The following RPA1 variants were observed in gnomAD, a reference collection of about 807,000 sequenced individuals.
RPA1 encodes replication protein A1, also known as replication protein A 70 kDa DNA-binding subunit.
RPA1 carries 49 observed loss-of-function variants against 83.0 expected under a neutral mutation model. The ratio of observed to expected loss-of-function variants is 0.59; its 90% confidence interval spans 0.47 to 0.75. The LOEUF (loss-of-function observed/expected upper bound fraction) is 0.75, where lower values mean the gene tolerates loss of function less well. Among genes scored for constraint, RPA1 ranks in the 30% least tolerant of loss-of-function variants. RPA1 has a pLI of 0.00. For synonymous variants in RPA1, 279 were observed against 281.8 expected, an observed-to-expected ratio of 0.99 and a Z score of 0.10; for missense variants, 693 against 776.1, an observed-to-expected ratio of 0.89 and a Z score of 1.27.
intron 6 of RPA1, among the ~76,000 whole-genome samples, chr17:1,873,610 C>T (rs1455371538): frequency 6.6e-6 from 1 of 152,082 alleles, no homozygotes; most frequent in Non-Finnish European, 1.5e-5. Context: ...TTGCACGATC[C>T]GTCTACCTCT....
At chr17:1,881,740 C>G (rs1913807059) in intron 12 of RPA1, among the ~76,000 whole-genome samples, 1 of 152,180 alleles carries the variant, frequency 6.6e-6, no homozygotes, top group South Asian at 2.1e-4. Flanking sequence ...TGATCCCAGT[C>G]AACATAAAAA....
intron 16 of RPA1, among the ~76,000 whole-genome samples, chr17:1,896,689 T>C (rs1447254580): frequency 6.6e-6 from 1 of 152,222 alleles, no homozygotes; most frequent in Non-Finnish European, 1.5e-5. Flanking sequence ...TTTCTTGAAA[T>C]GAAAGTTTGA....
At chr17:1,873,362 G>A (rs1378720605) in intron 6 of RPA1, among the ~76,000 whole-genome samples, 1 of 152,092 alleles carries the variant, frequency 6.6e-6, no homozygotes, top group African/African-American at 2.4e-5. Context: ...TTTACTTTAG[G>A]AACCTCTTGA....
rs61304416 is a variant in RPA1 at position 1,845,192 on chromosome 17, GTGTA to G, written c.272+507_272+510del. On this transcript the variant is annotated intron_variant, in intron 4 of 16. Coordinates refer to ENST00000254719, the MANE Select transcript of RPA1 (RefSeq NM_002945.5). ...TGTGTGTGTGTGTGTGTGTGTGTGT[GTGTA>G]CAATCTTGAATCTTTTATATTAAAT... 6.3e-4 allele frequency among the ~76,000 whole-genome samples: 93 copies of G among 147,386 alleles called. No homozygotes were observed. The East Asian group carries it at 8.1e-3, about 13-fold the overall frequency.
rs529721708 is a variant in RPA1 at position 1,848,806 on chromosome 17, C to T, written c.272+4120C>T. Among the ~76,000 whole-genome samples, 79 of 152,072 alleles carry T rather than the reference C, an allele frequency of 5.2e-4. 1 individual carries two copies. Among genetic ancestry groups the T allele is most frequent in the Non-Finnish European group, 9.4e-4 (64 of 67,982 alleles). ...GCCTTAAACTCCTGACCTTGTGATC[C>T]ACCCACCTCGGCCTCCCAAAGTCCT... On this transcript the variant is annotated intron_variant, in intron 4 of 16. Coordinates refer to ENST00000254719, the MANE Select transcript of RPA1 (RefSeq NM_002945.5).
chr17:1,856,983 CTACT>C (rs1206656577), intron 5 of RPA1, among the ~76,000 whole-genome samples: 4 of 151,894 alleles, frequency 2.6e-5, no homozygotes, highest in Non-Finnish European at 5.9e-5. Context: ...TTATTTTCTT[CTACT>C]TACTTCGGGT....
chr17:1,842,359 T>A (rs1366470195), intron 1 of RPA1, among the ~76,000 whole-genome samples: 2 of 152,228 alleles, frequency 1.3e-5, no homozygotes, highest in African/African-American at 4.8e-5. Flanking sequence ...ATTCAATTTC[T>A]TTAATAGACA....
At chr17:1,869,258 C>T (rs556319722) in intron 5 of RPA1, among the ~76,000 whole-genome samples, 5 of 152,194 alleles carry the variant, frequency 3.3e-5, no homozygotes, top group South Asian at 2.1e-4. Context: ...CTGTTTCGGC[C>T]GGGCATGGTG....
At chr17:1,846,796 T>C (rs1230350178) in intron 4 of RPA1, among the ~76,000 whole-genome samples, 1 of 152,190 alleles carries the variant, frequency 6.6e-6, no homozygotes, top group South Asian at 2.1e-4. Flanking sequence ...GTCTTTACTT[T>C]AACCTTTTTT....
At chr17:1,831,888 T>C (rs769435032) in intron 1 of RPA1, among the ~76,000 whole-genome samples, 1,586 of 141,022 alleles carry the variant, frequency 0.011, 16 homozygotes, top group African/African-American at 0.016. Context: ...CGTGAGCCAC[T>C]GTGCCCGGCC....
intron 1 of RPA1, 112 bp from the exon 2 acceptor site, chr17:1,842,691 T>A: frequency 1.2e-6 from 1 of 864,252 alleles, no homozygotes. Context: ...AGGCTCTGAA[T>A]AGGCTCTTTT....
intron 4 of RPA1, among the ~76,000 whole-genome samples, chr17:1,846,065 T>A (rs932846334): frequency 6.6e-6 from 1 of 152,224 alleles, no homozygotes; most frequent in Non-Finnish European, 1.5e-5. Context: ...GCTGTTCTTT[T>A]TTCCTACCTC....
At chr17:1,846,311 CTTTTT>C (rs71150823) in intron 4 of RPA1, among the ~76,000 whole-genome samples, 197 of 75,804 alleles carry the variant, frequency 2.6e-3, no homozygotes, top group Middle Eastern at 0.014. Flanking sequence ...GGAAGCTTTG[CTTTTT>C]TTTTTTTTTT....
At chr17:1,875,824 G>A in intron 7 of RPA1, 31 bp downstream of exon 7, 1 of 1,581,310 alleles carries the variant, frequency 6.3e-7, no homozygotes. Context: ...AGTTCAGAGT[G>A]TACTTATGAA....
At chr17:1,847,533 G>A (rs1473224261) in intron 4 of RPA1, among the ~76,000 whole-genome samples, 1 of 152,192 alleles carries the variant, frequency 6.6e-6, no homozygotes, top group Admixed American at 6.5e-5. Context: ...TGTGTGTGCG[G>A]CTGGGTTTAT....
At chr17:1,849,150 G>C (rs1165614716) in intron 4 of RPA1, among the ~76,000 whole-genome samples, 2 of 152,136 alleles carry the variant, frequency 1.3e-5, no homozygotes, top group African/African-American at 2.4e-5. Context: ...CAGCGCGTGA[G>C]TGTGGAGTTT....
chr17:1,875,961 A>C (rs1297483955), intron 7 of RPA1, among the ~76,000 whole-genome samples, 168 bp downstream of exon 7: 1 of 151,062 alleles, frequency 6.6e-6, no homozygotes, highest in Non-Finnish European at 1.5e-5. Flanking sequence ...AAAGGGGTAC[A>C]AATTGTGGCA....
intron 13 of RPA1, among the ~76,000 whole-genome samples, chr17:1,887,657 G>A (rs1001598539): frequency 6.6e-6 from 1 of 152,070 alleles, no homozygotes; most frequent in African/African-American, 2.4e-5. Context: ...GGAGGCCAAG[G>A]TGGGTGGATC....
intron 6 of RPA1, among the ~76,000 whole-genome samples, chr17:1,875,272 A>G (rs2270411): frequency 0.86 from 131,067 of 152,244 alleles, 56,680 homozygotes; most frequent in Non-Finnish European, 0.9. Flanking sequence ...GTGCCTTGCC[A>G]TCAGTTTTAC....
Sources: allele counts gnomAD v4.1 joint callset (sites outside exome capture counted in the v4.1 genomes callset), GRCh38; gene constraint gnomAD v4.1.1; transcripts MANE v1.5; gene names NCBI Gene and HGNC (gene_info 2026-07-23, HGNC 2026-07-21).